CPPED1: variants seen among roughly 807,000 people sequenced by gnomAD.
CPPED1 encodes calcineurin like phosphoesterase domain containing 1.
In CPPED1, 28 loss-of-function variants were observed where a neutral mutation model predicts 28.0. That is an observed-to-expected ratio of 1.00 (90% confidence interval 0.74 to 1.37). CPPED1 has a LOEUF of 1.37. CPPED1 is among the 40% of genes most tolerant of loss of function. CPPED1 has a pLI of 0.00. For synonymous variants in CPPED1, 198 were observed against 180.2 expected, an observed-to-expected ratio of 1.10 and a Z score of -0.79; for missense variants, 504 against 416.5, an observed-to-expected ratio of 1.21 and a Z score of -1.83.
chr16:12,668,465 T>C (rs753964156), intron 3 of CPPED1, among the ~76,000 whole-genome samples: 14 of 152,358 alleles, frequency 9.2e-5, no homozygotes, highest in Admixed American at 5.9e-4. Flanking sequence ...CTTATTTCTT[T>C]AAAATGTTTG....
intron 3 of CPPED1, among the ~76,000 whole-genome samples, chr16:12,667,655 G>A (rs1290103568): frequency 6.6e-6 from 1 of 152,150 alleles, no homozygotes; most frequent in Admixed American, 6.6e-5. Context: ...AGTGAACTGA[G>A]AGGTAAAACT....
At chr16:12,766,330 A>C (rs1303301373) in intron 2 of CPPED1, among the ~76,000 whole-genome samples, 6 of 151,394 alleles carry the variant, frequency 4.0e-5, no homozygotes, top group Admixed American at 3.3e-4. Flanking sequence ...GTATTAGTAC[A>C]TTTTTGTGCT....
At chr16:12,701,430 A>G (rs2080020159) in intron 3 of CPPED1, among the ~76,000 whole-genome samples, 1 of 152,128 alleles carries the variant, frequency 6.6e-6, no homozygotes, top group East Asian at 1.9e-4. Flanking sequence ...GTTACTCGGG[A>G]GGCTGAGGCA....
chr16:12,780,748 A>G lies in CPPED1; in HGVS notation c.289+437T>C, dbSNP rs993106763. 6.2e-3 allele frequency among the ~76,000 whole-genome samples: 869 copies of G among 139,710 alleles called. 13 individuals carry two copies. Among genetic ancestry groups the G allele is most frequent in the African/African-American group, 0.021 (808 of 38,052 alleles). 91.7% of individuals were successfully genotyped at this position (139,710 alleles called of 152,430 possible). ...CACATACCTTAAAAAAAAAAAAAAA[A>G]GGGAATCCTGTTTTAAGTTGGATTT... On this transcript the variant is annotated intron_variant, in intron 2 of 3. Coordinates refer to ENST00000381774, the MANE Select transcript of CPPED1 (RefSeq NM_018340.3).
intron 1 of CPPED1, among the ~76,000 whole-genome samples, chr16:12,797,278 C>A (rs146710117): frequency 0.011 from 1,738 of 152,212 alleles, 15 homozygotes; most frequent in Non-Finnish European, 0.018. Flanking sequence ...AGGCCAGGTG[C>A]GGTGGCTCAT....
At chr16:12,668,839 T>C (rs1255891406) in intron 3 of CPPED1, among the ~76,000 whole-genome samples, 1 of 152,248 alleles carries the variant, frequency 6.6e-6, no homozygotes, top group African/African-American at 2.4e-5. Flanking sequence ...AACAAGTGTT[T>C]ACAGGGATTT....
chr16:12,687,051 T>C (rs1003774585), intron 3 of CPPED1, among the ~76,000 whole-genome samples: 34 of 152,168 alleles, frequency 2.2e-4, no homozygotes, highest in African/African-American at 8.2e-4. Flanking sequence ...AATGGCTGCA[T>C]TTAGGATGTA....
At chr16:12,785,948 A>C (rs531297347) in intron 1 of CPPED1, among the ~76,000 whole-genome samples, 1 of 151,988 alleles carries the variant, frequency 6.6e-6, no homozygotes, top group South Asian at 2.1e-4. Context: ...AAAAAAAAAA[A>C]AACCAAAAGA....
chr16:12,679,425 A>C (rs569768785), intron 3 of CPPED1, among the ~76,000 whole-genome samples: 1 of 152,342 alleles, frequency 6.6e-6, no homozygotes, highest in African/African-American at 2.4e-5. Context: ...AATACAGAAT[A>C]TCAAACAAAA....
chr16:12,725,297 G>A (rs562047694), intron 2 of CPPED1, among the ~76,000 whole-genome samples: 1 of 152,132 alleles, frequency 6.6e-6, no homozygotes, highest in Non-Finnish European at 1.5e-5. Context: ...GTTTTGCCAT[G>A]TTGGCCAGGG....
At chr16:12,775,091 A>G (rs1201556476) in intron 2 of CPPED1, among the ~76,000 whole-genome samples, 1 of 152,028 alleles carries the variant, frequency 6.6e-6, no homozygotes, top group African/African-American at 2.4e-5. Flanking sequence ...AAGTGCTGGG[A>G]TTATAGATGT....
In CPPED1 at chr16:12,786,013, C is replaced by T. The variant is rs77201653; in HGVS notation, c.71-4610G>A. Among the ~76,000 whole-genome samples, 281 of 151,720 alleles carry T rather than the reference C, an allele frequency of 1.9e-3. 1 individual carries two copies. Among genetic ancestry groups the T allele is most frequent in the African/African-American group, 6.1e-3 (254 of 41,356 alleles). The stretch of plus-strand genomic sequence containing the variant: ...CTTTCCTAGCTTAAATATGAGATTA[C>T]TCGGTCAAACAGTACATGCCTGACA... On this transcript the variant is annotated intron_variant, in intron 1 of 3. Transcript: ENST00000381774.
At chr16:12,688,363 C>T (rs370858099) in intron 3 of CPPED1, among the ~76,000 whole-genome samples, 108 of 130,406 alleles carry the variant, frequency 8.3e-4, no homozygotes, top group African/African-American at 2.9e-3. Context: ...GATGGAGTTT[C>T]GCTCTGTCAC....
chr16:12,764,377 T>C (rs1007685086), intron 2 of CPPED1, among the ~76,000 whole-genome samples: 3 of 151,948 alleles, frequency 2.0e-5, no homozygotes, highest in African/African-American at 4.8e-5. Flanking sequence ...CTAATTCTTG[T>C]ATTTTTTGTA....
chr16:12,673,592 C>A (rs74741624), intron 3 of CPPED1, among the ~76,000 whole-genome samples: 2 of 152,126 alleles, frequency 1.3e-5, no homozygotes, highest in African/African-American at 4.8e-5. Flanking sequence ...CCTCTCAGAG[C>A]GGGTCTCCCC....
At chr16:12,675,564 A>T (rs1201980017) in intron 3 of CPPED1, among the ~76,000 whole-genome samples, 1 of 152,268 alleles carries the variant, frequency 6.6e-6, no homozygotes, top group Non-Finnish European at 1.5e-5. Flanking sequence ...AACCTGCTTC[A>T]AATCAATCAG....
chr16:12,761,697 T>A (rs1295169822), intron 2 of CPPED1, among the ~76,000 whole-genome samples: 4 of 152,158 alleles, frequency 2.6e-5, no homozygotes, highest in African/African-American at 9.7e-5. Context: ...TTGGGCTTAA[T>A]CTTCAGACAA....
intron 2 of CPPED1, among the ~76,000 whole-genome samples, chr16:12,719,791 C>T (rs142426200): frequency 9.2e-5 from 14 of 151,880 alleles, no homozygotes; most frequent in Non-Finnish European, 1.9e-4. Flanking sequence ...AAAAATTAGC[C>T]GGGCGTGGTG....
rs71142517 is a variant in CPPED1 at position 12,734,058 on chromosome 16, G to GTT, written c.290-29011_290-29010dup. Among the ~76,000 whole-genome samples, 409 of 64,408 alleles carry GTT rather than the reference G, an allele frequency of 6.4e-3. 98 individuals carry two copies. The highest frequency in any genetic ancestry group is 0.015 in the African/African-American group (177 of 11,718). 42.3% of individuals were successfully genotyped at this position (64,408 alleles called of 152,430 possible). On this transcript the variant is annotated intron_variant, in intron 2 of 3. Transcript: ENST00000381774. Reference sequence around the variant, plus strand: ...CTTTGTCTCTGTTTTCAAATTACACGTTTTTTTTTTTTTTTTTTTTTTTTT... The same window carrying GTT: ...CTTTGTCTCTGTTTTCAAATTACACGTTTTTTTTTTTTTTTTTTTTTTTTTTT...
Sources: gnomAD v4.1 joint callset for allele counts (sites outside exome capture counted in the v4.1 genomes callset) on GRCh38, gnomAD v4.1.1 for gene constraint, MANE v1.5 for transcripts, NCBI Gene and HGNC (gene_info 2026-07-23, HGNC 2026-07-21) for gene names.